Variants in HARS2 observed in about 807,000 individuals in gnomAD.
HARS2 encodes histidine--tRNA ligase, mitochondrial.
Under a neutral mutation model 62.4 loss-of-function variants are expected in HARS2, and 40 were observed. That is an observed-to-expected ratio of 0.64 (90% confidence interval 0.50 to 0.83). The LOEUF (loss-of-function observed/expected upper bound fraction) is 0.83. Among genes scored for constraint, HARS2 ranks in the 40% least tolerant of loss-of-function variants. The pLI is 0.00. For missense variants in HARS2, 569 were observed against 626.4 expected (o/e 0.91, Z 0.98); for synonymous variants, 228 against 227.0 (o/e 1.00, Z -0.04).
intron 1 of HARS2, 39 bp downstream of exon 1, chr5:140,691,795 G>A (rs752320538): frequency 1.2e-5 from 16 of 1,389,042 alleles, no homozygotes; most frequent in Admixed American, 9.8e-5. Context: ...GTCCCAGCAG[G>A]GTCTCCAGAT....
Position 140,697,374 on chromosome 5 carries a change from C to T in HARS2, c.1165C>T (p.Arg389Ter), listed in dbSNP as rs1562060965. Residue 389 changes from arginine (R) to a stop codon, truncating the protein, a stop_gained, in exon 10 of 13, where the codon CGA becomes TGA. Coordinates refer to ENST00000230771, the MANE Select transcript of HARS2 (RefSeq NM_012208.4). LOFTEE classifies it high-confidence loss of function. ...TGTGGGACTCAGCATTGGGGTTGAGCGAATCTTCTACATTGTGGAGCAGAG... is the reference window on the plus strand; with the variant it reads ...TGTGGGACTCAGCATTGGGGTTGAGTGAATCTTCTACATTGTGGAGCAGAG... ...PCVGLSIGVE[R>*]IFYIVEQRMK... The T allele has an allele frequency of 1.9e-6, 3 of 1,613,866 alleles. No individual in the cohort carries two copies. The highest frequency in any genetic ancestry group is 2.2e-5 in the East Asian group (1 of 44,882).
At chr5:140,696,731 GAATTT>G (rs1759758078) in intron 8 of HARS2, 117 bp downstream of exon 8, 1 of 926,666 alleles carries the variant, frequency 1.1e-6, no homozygotes, top group African/African-American at 1.6e-5. Flanking sequence ...GGCCTGTCCT[GAATTT>G]AATTTCTCTT....
At chr5:140,696,694 C>G in intron 8 of HARS2, 80 bp downstream of exon 8, 1 of 1,038,050 alleles carries the variant, frequency 9.6e-7, no homozygotes, top group South Asian at 1.3e-5. Context: ...TGAAACAACT[C>G]TTTTCTGTAG....
intron 9 of HARS2, 39 bp from the exon 10 acceptor site, chr5:140,697,125 G>A (rs375698026): frequency 2.2e-4 from 348 of 1,613,988 alleles, no homozygotes; most frequent in Middle Eastern, 4.9e-4. Context: ...TCAGGGTCCC[G>A]AGTCTAGTTT....
Position 140,698,623 on chromosome 5 carries a change from G to T in HARS2, c.*71G>T. The T allele has an allele frequency of 8.5e-7, 1 of 1,174,204 alleles. No homozygotes were observed. Among genetic ancestry groups the T allele is most frequent in the South Asian group, 1.2e-5 (1 of 82,384 alleles). 72.7% of individuals were successfully genotyped at this position (1,174,204 alleles called of 1,614,324 possible). On this transcript the variant is annotated 3_prime_UTR_variant, in exon 13 of 13. Coordinates refer to ENST00000230771, the MANE Select transcript of HARS2 (RefSeq NM_012208.4). ...TCTAGAACTGAATTCCTCTGGAATT[G>T]AGTGATGGACTTCACAACAACTAGC...
At position 140,697,194 on chromosome 5, in the gene HARS2, C is replaced by G; in HGVS notation, c.985C>G (p.Leu329Val). 1 of 1,614,214 alleles carries G rather than the reference C, an allele frequency of 6.2e-7. No individual in the cohort carries two copies. The highest frequency in any genetic ancestry group is 1.1e-5 in the South Asian group (1 of 91,086). The part of the protein sequence containing the change: ...ISFDLSLARG[L>V]DYYTGVIYEA... ...CTTTGACCTCAGCCTGGCTCGGGGC[C>G]TAGACTACTATACAGGAGTGATCTA... The change falls in exon 10 of 13, where the codon CTA becomes GTA. Residue 329 changes from leucine (L) to valine (V), a missense_variant. Physicochemically the swap from Leu to Val is conservative, Grantham distance 32. Coordinates refer to ENST00000230771, the MANE Select transcript of HARS2 (RefSeq NM_012208.4).
chr5:140,697,610 T>C lies in HARS2; in HGVS notation c.1239T>C (p.Phe413=), dbSNP rs753760217. Residue 413 remains phenylalanine, a synonymous_variant, in exon 11 of 13, where the codon TTT becomes TTC. Coordinates refer to ENST00000230771, the MANE Select transcript of HARS2 (RefSeq NM_012208.4). ...EKVRTTETQV[F]VATPQKNFLQ... ...TGCGGACTACAGAGACTCAAGTGTT[T>C]GTGGCCACACCACAGAAGAACTTTC... 1.2e-6 allele frequency: 2 copies of C among 1,614,104 alleles called. No homozygotes were observed. Among genetic ancestry groups the C allele is most frequent in the East Asian group, 2.2e-5 (1 of 44,890 alleles).
Position 140,697,005 on chromosome 5 carries a change from C to G in HARS2, c.889C>G (p.Leu297Val). Reference sequence around the variant, plus strand: ...CAGACTATCCCAGAACAAGCAGGCCCTGGAGGGCCTGGGAGACCTAAAGCT... The same window carrying G: ...CAGACTATCCCAGAACAAGCAGGCCGTGGAGGGCCTGGGAGACCTAAAGCT... ...DPRLSQNKQALEGLGDLKLLF... is the reference protein window; with the variant it reads ...DPRLSQNKQAVEGLGDLKLLF... Residue 297 changes from leucine to valine, a missense_variant, in exon 9 of 13, where the codon CTG becomes GTG. Coordinates refer to ENST00000230771, the MANE Select transcript of HARS2 (RefSeq NM_012208.4). The G allele has an allele frequency of 6.2e-7, 1 of 1,614,030 alleles. No homozygotes were observed. The highest frequency in any genetic ancestry group is 1.3e-5 in the African/African-American group (1 of 75,012).
In HARS2 at chr5:140,691,652, C is replaced by G; in HGVS notation, c.4C>G (p.Pro2Ala). The change falls in exon 1 of 13, where the codon CCC becomes GCC. Residue 2 changes from proline to alanine, a missense_variant. Coordinates refer to ENST00000230771, the MANE Select transcript of HARS2 (RefSeq NM_012208.4). ...AAAGCCGGCGTCCTGCCGCGCGATG[C>G]CCCTGCTCGGACTTCTTCCCAGGAG... is the stretch of plus-strand genomic sequence containing the variant. M[P>A]LLGLLPRRAW... The G allele has an allele frequency of 6.5e-7, 1 of 1,547,506 alleles. No homozygotes were observed.
chr5:140,695,420 G>T, intron 4 of HARS2, 88 bp from the exon 5 acceptor site: 1 of 852,108 alleles, frequency 1.2e-6, no homozygotes, highest in Non-Finnish European at 1.7e-6. Context: ...CCTAGTGGAT[G>T]AGATCCAGGC....
At chr5:140,692,936 A>AAGAT (rs964924752) in intron 1 of HARS2, among the ~76,000 whole-genome samples, 2 of 151,936 alleles carry the variant, frequency 1.3e-5, no homozygotes, top group African/African-American at 4.8e-5. Context: ...AGGAACGGTG[A>AAGAT]CCTGGAGAAG....
Position 140,695,615 on chromosome 5 carries a change from TAGG to T in HARS2, c.508_510del (p.Arg170del). 1.2e-6 allele frequency: 2 copies of T among 1,614,220 alleles called. No homozygotes were observed. Among genetic ancestry groups the T allele is most frequent in the South Asian group, 2.2e-5 (2 of 91,078 alleles). On this transcript the variant is annotated inframe_deletion, in exon 5 of 13. Transcript: ENST00000230771. Reference sequence around the variant, plus strand: ...GCCCAACCATAGTCCAAGGCCGTTATAGGGAGTTCTGCCAGTGTGTAAGTGACC... The same window carrying T: ...GCCCAACCATAGTCCAAGGCCGTTATGAGTTCTGCCAGTGTGTAAGTGACC...
At chr5:140,693,798 G>A (rs150002959) in intron 2 of HARS2, 133 bp downstream of exon 2, 3 of 1,201,500 alleles carry the variant, frequency 2.5e-6, no homozygotes, top group East Asian at 2.3e-5. Context: ...GAGATACTAG[G>A]TGCGGCTCAG....
rs770690648 is a variant in HARS2, at chr5:140,696,927, C to A, written c.827-16C>A. 1 of 1,601,012 alleles carries A rather than the reference C, an allele frequency of 6.2e-7. No homozygotes were observed. Among genetic ancestry groups the A allele is most frequent in the South Asian group, 1.1e-5 (1 of 90,614 alleles). On this transcript the variant is annotated splice_polypyrimidine_tract_variant and intron_variant, in intron 8 of 12. Coordinates refer to ENST00000230771, the MANE Select transcript of HARS2 (RefSeq NM_012208.4). ...AACACATGTGAGTGAACAGCAGAGA[C>A]TTTATTTCTCTCCAGGTGGGGTATC...
intron 4 of HARS2, 31 bp downstream of exon 4, chr5:140,694,311 T>C (rs935398039): frequency 6.9e-7 from 1 of 1,447,948 alleles, no homozygotes; most frequent in African/African-American, 1.4e-5. Context: ...GCCTGACCTG[T>C]CTCTTTCCAA....
chr5:140,695,096 A>C (rs1238053198), intron 4 of HARS2, among the ~76,000 whole-genome samples: 1 of 152,180 alleles, frequency 6.6e-6, no homozygotes, highest in Non-Finnish European at 1.5e-5. Context: ...TCTGCATTTT[A>C]AACAAGCATC....
At chr5:140,698,451 T>G in intron 12 of HARS2, 42 bp from the exon 13 acceptor site, 1 of 1,392,996 alleles carries the variant, frequency 7.2e-7, no homozygotes, top group Non-Finnish European at 1.0e-6. Flanking sequence ...GGAGTTAGTA[T>G]CACTTTCTAG....
In HARS2 at chr5:140,693,676, T is replaced by C; in HGVS notation, c.183+11T>C. 1 of 1,609,096 alleles carries C rather than the reference T, an allele frequency of 6.2e-7. No homozygotes were observed. Among genetic ancestry groups the C allele is most frequent in the Non-Finnish European group, 8.5e-7 (1 of 1,175,352 alleles). On this transcript the variant is annotated intron_variant, in intron 2 of 12. Transcript: ENST00000230771. The stretch of plus-strand genomic sequence containing the variant: ...ATCAAGACCCCAAAGGTAATACTTT[T>C]TGCCTACCCTATCCCATTAGAGTGC...
In HARS2 at chr5:140,698,066, C is replaced by T; in HGVS notation, c.1449C>T (p.Ala483=). The T allele has an allele frequency of 6.2e-7, 1 of 1,614,106 alleles. No individual in the cohort carries two copies. Among genetic ancestry groups the T allele is most frequent in the Admixed American group, 1.7e-5 (1 of 60,022 alleles). Residue 483 remains alanine, a synonymous_variant, in exon 12 of 13, where the codon GCC becomes GCT. Transcript: ENST00000230771. The stretch of plus-strand genomic sequence containing the variant: ...GGGTCATCAAGATCCGTTCAGTGGC[C>T]AGCAGAGAGGAGGTGAGTGGCGGCA... ...KEGVIKIRSV[A]SREEVAIKRE...
Sources: allele counts gnomAD v4.1 joint callset (sites outside exome capture counted in the v4.1 genomes callset), GRCh38; gene constraint gnomAD v4.1.1; transcripts MANE v1.5; gene names NCBI Gene and HGNC (gene_info 2026-07-23, HGNC 2026-07-21).